The following MYBPHL variants were observed in gnomAD, a reference collection of about 807,000 sequenced individuals.
The protein encoded by MYBPHL is myosin-binding protein H-like.
Under a neutral mutation model 39.5 loss-of-function variants are expected in MYBPHL, and 32 were observed. The ratio of observed to expected loss-of-function variants is 0.81; its 90% CI spans 0.61 to 1.09. The LOEUF (loss-of-function observed/expected upper bound fraction) is 1.09. Ranked by LOEUF, MYBPHL falls within the 50% of genes least tolerant of loss-of-function variation. MYBPHL has a pLI of 0.00. For missense variants in MYBPHL, 456 were observed against 460.2 expected (o/e 0.99, Z 0.08); for synonymous variants, 196 against 183.7 (o/e 1.07, Z -0.54).
chr1:109,306,753 G>A, intron 1 of MYBPHL, 94 bp downstream of exon 1: 2 of 1,123,030 alleles, frequency 1.8e-6, no homozygotes, highest in Non-Finnish European at 2.5e-6. Context: ...CTTTAGCTCT[G>A]CAGAAAACCT....
Position 109,297,573 on chromosome 1 carries a change from G to A in MYBPHL, c.279C>T (p.Ala93=). The change falls in exon 3 of 9, where the codon GCC becomes GCT. Residue 93 remains alanine, a synonymous_variant. Coordinates refer to ENST00000357155, the MANE Select transcript of MYBPHL (RefSeq NM_001010985.3). The part of the protein sequence containing the change: ...PQAIWTHDGC[A]LDTRRVSVRN... ...GCACACTCACACGCCTGGTGTCCAAGGCACAGCCATCATGTGTCCAGATGG... is the reference window on the plus strand; with the variant it reads ...GCACACTCACACGCCTGGTGTCCAAAGCACAGCCATCATGTGTCCAGATGG... 1 of 1,613,902 alleles carries A rather than the reference G, an allele frequency of 6.2e-7. No homozygotes were observed. The highest frequency in any genetic ancestry group is 1.1e-5 in the South Asian group (1 of 91,062).
At chr1:109,294,971 C>T (rs1658002538) in intron 7 of MYBPHL, 140 bp downstream of exon 7, 1 of 656,554 alleles carries the variant, frequency 1.5e-6, no homozygotes, top group Non-Finnish European at 2.6e-6. Flanking sequence ...CCAATACATC[C>T]TGATGATGAC....
intron 2 of MYBPHL, 78 bp downstream of exon 2, chr1:109,298,091 G>A (rs1246713981): frequency 4.9e-6 from 6 of 1,230,960 alleles, no homozygotes; most frequent in Admixed American, 2.3e-5. Flanking sequence ...CTGCTAGCAG[G>A]ACTCTTGGTA....
intron 1 of MYBPHL, among the ~76,000 whole-genome samples, chr1:109,302,992 C>T (rs1658345082): frequency 6.6e-6 from 1 of 152,208 alleles, no homozygotes; most frequent in Non-Finnish European, 1.5e-5. Flanking sequence ...TAGCTGTACA[C>T]AGATGATCAC....
chr1:109,295,094 T>C lies in MYBPHL; in HGVS notation c.1054+17A>G, dbSNP rs1206900158. On this transcript the variant is annotated intron_variant, in intron 7 of 8. Coordinates refer to ENST00000357155, the MANE Select transcript of MYBPHL (RefSeq NM_001010985.3). ...GTGACTGGCACCCTAAGGCACTAGT[T>C]CTCCTCTTGCCCTTACCTTTCACAT... 4 of 1,610,608 alleles carry C rather than the reference T, an allele frequency of 2.5e-6. No individual in the cohort carries two copies. The East Asian group carries it at 8.9e-5, about 36-fold the overall frequency.
intron 1 of MYBPHL, among the ~76,000 whole-genome samples, chr1:109,303,050 T>C (rs986880330): frequency 2.0e-5 from 3 of 152,230 alleles, no homozygotes; most frequent in Non-Finnish European, 4.4e-5. Flanking sequence ...GCCTGGGTCC[T>C]TGGATTACCA....
chr1:109,295,884 T>G (rs1658040500), intron 6 of MYBPHL, among the ~76,000 whole-genome samples: 1 of 152,192 alleles, frequency 6.6e-6, no homozygotes, highest in South Asian at 2.1e-4. Flanking sequence ...CTAGGCAGGT[T>G]GCATGTGCAC....
At chr1:109,297,753 T>C (rs1658135940) in intron 2 of MYBPHL, 136 bp from the exon 3 acceptor site, 3 of 765,914 alleles carry the variant, frequency 3.9e-6, no homozygotes, top group South Asian at 2.0e-5. Context: ...TAGAAGTTGG[T>C]GGACCCTCCC....
intron 1 of MYBPHL, among the ~76,000 whole-genome samples, chr1:109,301,900 T>C (rs1214118224): frequency 6.6e-6 from 1 of 152,228 alleles, no homozygotes; most frequent in Non-Finnish European, 1.5e-5. Context: ...TAATTCCCTT[T>C]TATGGGATCA....
In MYBPHL at chr1:109,296,890, T is replaced by C; in HGVS notation, c.623A>G (p.Asp208Gly). The C allele has an allele frequency of 3.1e-6, 5 of 1,614,066 alleles. No homozygotes were observed. Among genetic ancestry groups the C allele is most frequent in the Non-Finnish European group, 4.2e-6 (5 of 1,180,010 alleles). The change falls in exon 5 of 9, where the codon GAC becomes GGC. Residue 208 changes from aspartate to glycine, a missense_variant. Coordinates refer to ENST00000357155, the MANE Select transcript of MYBPHL (RefSeq NM_001010985.3). ...HYHRTSCIVSDLIIGNSYAFR... is the reference protein window; with the variant it reads ...HYHRTSCIVSGLIIGNSYAFR... ...GGCATAGGAGTTGCCGATGATGAGG[T>C]CAGAGACGATGCAGCTGGTGCGGTG...
chr1:109,304,307 C>CGGAA (rs1034351505), intron 1 of MYBPHL, among the ~76,000 whole-genome samples: 4 of 152,056 alleles, frequency 2.6e-5, no homozygotes, highest in African/African-American at 9.7e-5. Context: ...AAAGGAAGGA[C>CGGAA]GGAAGGAAGG....
chr1:109,300,215 C>T (rs541447137), intron 1 of MYBPHL, among the ~76,000 whole-genome samples: 1 of 152,304 alleles, frequency 6.6e-6, no homozygotes, highest in South Asian at 2.1e-4. Flanking sequence ...TGGAGACCTC[C>T]CGGCTAGCTG....
chr1:109,295,160 C>A lies in MYBPHL; in HGVS notation c.1005G>T (p.Ala335=), dbSNP rs143775568. Residue 335 remains alanine (A), a synonymous_variant, in exon 7 of 9, where the codon GCG becomes GCT. Coordinates refer to ENST00000357155, the MANE Select transcript of MYBPHL (RefSeq NM_001010985.3). ...CAGATGCCTCCCCTAGGGGGTTCAC[C>A]GCCTTGCAGGTATAGATGCCTCCAT... The part of the protein sequence containing the change: ...PFDGGIYTCK[A]VNPLGEASVD... 9.9e-6 allele frequency: 16 copies of A among 1,613,880 alleles called. No individual in the cohort carries two copies. In the Admixed American group the frequency reaches 2.0e-4, roughly 20 times the overall value.
intron 8 of MYBPHL, among the ~76,000 whole-genome samples, chr1:109,293,353 A>G (rs746179567): frequency 1.3e-5 from 2 of 152,202 alleles, no homozygotes; most frequent in African/African-American, 4.8e-5. Flanking sequence ...AATTCCTACC[A>G]TCGACTTGAG....
chr1:109,302,623 A>C (rs2101487132), intron 1 of MYBPHL, among the ~76,000 whole-genome samples: 1 of 152,172 alleles, frequency 6.6e-6, no homozygotes, highest in Non-Finnish European at 1.5e-5. Flanking sequence ...CCATGTTTCC[A>C]GTCCCCGTAG....
At chr1:109,296,555 T>C (rs549219901) in intron 5 of MYBPHL, among the ~76,000 whole-genome samples, 185 bp from the exon 6 acceptor site, 73 of 152,082 alleles carry the variant, frequency 4.8e-4, no homozygotes, top group Non-Finnish European at 9.1e-4. Flanking sequence ...TCTCCTGCCT[T>C]AGCCTCCTGA....
intron 8 of MYBPHL, among the ~76,000 whole-genome samples, chr1:109,293,329 C>A (rs1352954113): frequency 6.6e-6 from 1 of 152,166 alleles, no homozygotes; most frequent in Non-Finnish European, 1.5e-5. Flanking sequence ...TTCAGAGGAC[C>A]ATTCATTAGG....
chr1:109,295,152 G>T lies in MYBPHL; in HGVS notation c.1013C>A (p.Pro338His), dbSNP rs148219864. ...ACAGTCCACAGATGCCTCCCCTAGG[G>T]GGTTCACCGCCTTGCAGGTATAGAT... is the stretch of plus-strand genomic sequence containing the variant. ...GGIYTCKAVN[P>H]LGEASVDCRV... Residue 338 changes from proline (P) to histidine (H), a missense_variant, in exon 7 of 9, where the codon CCC becomes CAC. Physicochemically the swap from Pro to His is moderately conservative, Grantham distance 77. Transcript: ENST00000357155. 4.3e-6 allele frequency: 7 copies of T among 1,613,910 alleles called. No homozygotes were observed. The East Asian group carries it at 1.1e-4, about 26-fold the overall frequency.
At chr1:109,303,927 C>G (rs1658375771) in intron 1 of MYBPHL, among the ~76,000 whole-genome samples, 1 of 151,818 alleles carries the variant, frequency 6.6e-6, no homozygotes. Flanking sequence ...GTTGTTCTCT[C>G]TGTGTGGAAA....
Sources: gnomAD v4.1 joint callset for allele counts (sites outside exome capture counted in the v4.1 genomes callset) on GRCh38, gnomAD v4.1.1 for gene constraint, MANE v1.5 for transcripts, NCBI Gene and HGNC (gene_info 2026-07-23, HGNC 2026-07-21) for gene names.